Variants in KANSL3 observed in about 807,000 individuals in gnomAD.
KANSL3 encodes the protein NSL complex protein NSL3.
In KANSL3, 16 loss-of-function variants were observed where a neutral mutation model predicts 89.2. The ratio of observed to expected loss-of-function variants is 0.18; its 90% CI spans 0.12 to 0.27. The LOEUF (loss-of-function observed/expected upper bound fraction) is 0.27. KANSL3 is among the 10% of genes least tolerant of loss of function. The pLI, the probability that KANSL3 is intolerant of heterozygous loss-of-function variation, is 1.00. For synonymous variants in KANSL3, 385 were observed against 419.7 expected (o/e 0.92, Z 1.01); for missense variants, 879 against 1,110.6 (o/e 0.79, Z 2.96).
Position 96,604,321 on chromosome 2 carries a change from C to T in KANSL3, c.2078G>A (p.Ser693Asn), listed in dbSNP as rs201670982. 357 of 1,613,222 alleles carry T rather than the reference C, an allele frequency of 2.2e-4. No homozygotes were observed. The Middle Eastern group carries it at 2.5e-3, about 11-fold the overall frequency. The change falls in exon 17 of 21, where the codon AGC becomes AAC. Residue 693 changes from serine (S) to asparagine (N), a missense_variant. Physicochemically the swap from Ser to Asn is conservative, Grantham distance 46. Around this residue, in one of 6 missense-constraint regions of KANSL3, gnomAD observed 317 missense variants for 311.2 expected, o/e 1.02. Transcript: ENST00000431828. ...TGTGTGCAAGGCACTGGGTGCAGTG[C>T]TGCTGGAGACCACTGAAGGGACTGG... ...ASPVPSVVSS[S>N]TAPSALHTLQ...
At position 96,637,179 on chromosome 2, in the gene KANSL3, T is replaced by G; in HGVS notation, c.-44A>C. The G allele has an allele frequency of 7.8e-7, 1 of 1,289,408 alleles. No homozygotes were observed. The highest frequency in any genetic ancestry group is 1.1e-6 in the Non-Finnish European group (1 of 917,730). 79.9% of individuals were successfully genotyped at this position (1,289,408 alleles called of 1,614,324 possible). On this transcript the variant is annotated 5_prime_UTR_variant, in exon 2 of 21. Transcript: ENST00000431828. ...AGTCAGAGCATGGGTATCTGCATGC[T>G]AGTCACCTGCAGTGAAAAGTTTCAG...
intron 3 of KANSL3, among the ~76,000 whole-genome samples, chr2:96,619,971 T>C (rs1475486315): frequency 6.6e-6 from 1 of 152,208 alleles, no homozygotes; most frequent in Non-Finnish European, 1.5e-5. Flanking sequence ...CAGCACACAC[T>C]TGTATTAATA....
At chr2:96,620,474 T>C (rs2071045537) in intron 3 of KANSL3, among the ~76,000 whole-genome samples, 2 of 152,200 alleles carry the variant, frequency 1.3e-5, no homozygotes, top group Non-Finnish European at 2.9e-5. Context: ...TGCTTACCTA[T>C]TACTTACTGA....
At chr2:96,638,189 A>G (rs2074537054) in intron 1 of KANSL3, 94 bp downstream of exon 1, 2 of 139,666 alleles carry the variant, frequency 1.4e-5, no homozygotes, top group South Asian at 5.0e-4. Flanking sequence ...ATGCCCCGGG[A>G]GCCCTGAAGC....
chr2:96,611,508 G>GA (rs1357044559), intron 9 of KANSL3, among the ~76,000 whole-genome samples: 4 of 151,898 alleles, frequency 2.6e-5, no homozygotes, highest in Admixed American at 6.6e-5. Flanking sequence ...ACCCTTAAGT[G>GA]AAAAAAAATT....
At chr2:96,614,778 GA>G (rs1434133052) in intron 5 of KANSL3, among the ~76,000 whole-genome samples, 264 of 67,020 alleles carry the variant, frequency 3.9e-3, no homozygotes, top group African/African-American at 6.0e-3. Flanking sequence ...TCAAAAAAAA[GA>G]AAAAAAAAAA....
Position 96,629,779 on chromosome 2 carries a change from T to C in KANSL3, c.386+1533A>G, listed in dbSNP as rs143572612. 2.3e-3 allele frequency among the ~76,000 whole-genome samples: 347 copies of C among 152,324 alleles called. 2 individuals carry two copies. The highest frequency in any genetic ancestry group is 8.1e-3 in the African/African-American group (337 of 41,580). On this transcript the variant is annotated intron_variant, in intron 3 of 20. Coordinates refer to ENST00000431828, the MANE Select transcript of KANSL3 (RefSeq NM_001115016.3). ...AACTTCCAACCAGCTTCAGAAGTCA[T>C]GTCAATCACCTCAAACTTTCTACCC...
intron 5 of KANSL3, among the ~76,000 whole-genome samples, 188 bp from the exon 6 acceptor site, chr2:96,613,807 G>A (rs1050739335): frequency 6.6e-6 from 1 of 152,032 alleles, no homozygotes; most frequent in South Asian, 2.1e-4. Context: ...ACCATGAAAA[G>A]TGAATGTGTA....
At chr2:96,590,398 T>G (rs2066263999), downstream of KANSL3, among the ~76,000 whole-genome samples, 2 of 151,620 alleles carry the variant, frequency 1.3e-5, no homozygotes, top group Non-Finnish European at 2.9e-5. Flanking sequence ...GCTCAAGCAA[T>G]CCTTCCATTT....
chr2:96,619,746 C>G lies in KANSL3; in HGVS notation c.403G>C (p.Ala135Pro). ...EHVNRTGWTM[A>P]QNKLFNKILK... Reference sequence around the variant, plus strand: ...ATCTTGTTGAATAGCTTGTTCTGGGCCATTGTCCAGCCAGTCCTATAAGGG... The same window carrying G: ...ATCTTGTTGAATAGCTTGTTCTGGGGCATTGTCCAGCCAGTCCTATAAGGG... The change falls in exon 4 of 21, where the codon GCC (alanine) becomes CCC (proline). Residue 135 changes from alanine (A) to proline (P), a missense_variant. Around this residue, in one of 6 missense-constraint regions of KANSL3, gnomAD observed 210 missense variants for 311.9 expected, o/e 0.67. Transcript: ENST00000431828. 1 of 1,556,948 alleles carries G rather than the reference C, an allele frequency of 6.4e-7. No homozygotes were observed. The highest frequency in any genetic ancestry group is 8.7e-7 in the Non-Finnish European group (1 of 1,149,982).
intron 14 of KANSL3, among the ~76,000 whole-genome samples, chr2:96,607,494 G>C (rs570248768): frequency 6.6e-6 from 1 of 152,148 alleles, no homozygotes; most frequent in African/African-American, 2.4e-5. Context: ...CAGACCACCA[G>C]CTCTGTCTTC....
intron 3 of KANSL3, among the ~76,000 whole-genome samples, chr2:96,629,398 C>T (rs943200631): frequency 1.3e-5 from 2 of 152,170 alleles, no homozygotes; most frequent in Non-Finnish European, 2.9e-5. Context: ...TCTCGGCTCA[C>T]CACAACCTCC....
the KANSL3 span, among the ~76,000 whole-genome samples, chr2:96,583,295 T>C: frequency 6.6e-6 from 1 of 152,202 alleles, no homozygotes; most frequent in Non-Finnish European, 1.5e-5. Context: ...TGGTAGGAGC[T>C]ACTTGGCTAT....
chr2:96,634,695 T>C (rs184312901), intron 2 of KANSL3, among the ~76,000 whole-genome samples: 43 of 152,360 alleles, frequency 2.8e-4, no homozygotes, highest in African/African-American at 1.0e-3. Flanking sequence ...CCATTTCCAA[T>C]GACTGAAATA....
rs2070825599 is a variant in KANSL3 at position 96,619,392 on chromosome 2, G to A, written c.630C>T (p.Ala210=). The A allele has an allele frequency of 6.2e-7, 1 of 1,613,288 alleles. No homozygotes were observed. The highest frequency in any genetic ancestry group is 8.5e-7 in the Non-Finnish European group (1 of 1,179,636). The change falls in exon 5 of 21, where the codon GCC becomes GCT. Residue 210 remains alanine (A), a synonymous_variant. Coordinates refer to ENST00000431828, the MANE Select transcript of KANSL3 (RefSeq NM_001115016.3). ...TCAGCGTCTGCAAAGCATCCAGGTA[G>A]GCTGCCAGCATGGGCAGACTCAAGG... ...VETLSLPMLA[A]YLDALQTLKG...
At position 96,612,853 on chromosome 2, in the gene KANSL3, G is replaced by A. The variant is rs779980469; in HGVS notation, c.877C>T (p.Arg293Cys). The A allele has an allele frequency of 3.8e-6, 6 of 1,570,158 alleles. No individual in the cohort carries two copies. Among genetic ancestry groups the A allele is most frequent in the South Asian group, 1.2e-5 (1 of 85,160 alleles). The change falls in exon 7 of 21, where the codon CGC (arginine) becomes TGC (cysteine). Residue 293 changes from arginine to cysteine, a missense_variant. Arg to Cys is a radical substitution (Grantham distance 180). Coordinates refer to ENST00000431828, the MANE Select transcript of KANSL3 (RefSeq NM_001115016.3). Reference sequence around the variant, plus strand: ...CAGGACAGCTGAGATTGCCAGAAGCGGTGGCGGCGTGAAGTGGGAAACACA... The same window carrying A: ...CAGGACAGCTGAGATTGCCAGAAGCAGTGGCGGCGTGAAGTGGGAAACACA... ...SSVFPTSRRH[R>C]FWQSQLSCLG...
Position 96,609,127 on chromosome 2 carries a change from T to G in KANSL3, c.1384-63A>C. On this transcript the variant is annotated intron_variant, in intron 12 of 20. Coordinates refer to ENST00000431828, the MANE Select transcript of KANSL3 (RefSeq NM_001115016.3). The stretch of plus-strand genomic sequence containing the variant: ...TCATCTGGAGAATGGGAACCTCTCA[T>G]ATACTTTCCAACTAAAACAGATTCT... 3.6e-6 allele frequency: 5 copies of G among 1,393,142 alleles called. No individual in the cohort carries two copies. The South Asian group carries it at 6.2e-5, about 17-fold the overall frequency. 86.3% of individuals were successfully genotyped at this position (1,393,142 alleles called of 1,614,324 possible).
intron 20 of KANSL3, chr2:96,598,226 GTAC>G (rs2066731007): frequency 1.5e-6 from 1 of 689,542 alleles, no homozygotes; most frequent in Non-Finnish European, 1.8e-6. Flanking sequence ...TATCATTTCT[GTAC>G]TATAAAACTG....
chr2:96,630,597 T>C (rs922167854), intron 3 of KANSL3, among the ~76,000 whole-genome samples: 1 of 152,238 alleles, frequency 6.6e-6, no homozygotes, highest in Non-Finnish European at 1.5e-5. Flanking sequence ...ATCAAATTGA[T>C]AGTGGTGATG....
Sources: gnomAD v4.1 joint callset for allele counts (sites outside exome capture counted in the v4.1 genomes callset) on GRCh38, gnomAD v4.1.1 for gene constraint, gnomAD v4.1.1 regional missense constraint, MANE v1.5 for transcripts, NCBI Gene and HGNC (gene_info 2026-07-23, HGNC 2026-07-21) for gene names.